Variants in SORCS2 observed in about 807,000 individuals in gnomAD.
The protein encoded by SORCS2 is VPS10 domain-containing receptor SorCS2.
Under a neutral mutation model 141.6 loss-of-function variants are expected in SORCS2, and 100 were observed. The observed-to-expected ratio is 0.71, with a 90% CI of 0.60 to 0.83. The LOEUF (loss-of-function observed/expected upper bound fraction) is 0.83, where lower values mean the gene tolerates loss of function less well. Among genes scored for constraint, SORCS2 ranks in the 40% least tolerant of loss-of-function variants. The pLI, the probability that SORCS2 is intolerant of heterozygous loss-of-function variation, is 0.00. For synonymous variants in SORCS2, 789 were observed against 676.9 expected, an observed-to-expected ratio of 1.17 and a Z score of -2.57; for missense variants, 1,646 against 1,560.2, an observed-to-expected ratio of 1.05 and a Z score of -0.93.
intron 1 of SORCS2, among the ~76,000 whole-genome samples, chr4:7,362,958 A>G (rs966976294): frequency 2.7e-5 from 4 of 150,826 alleles, no homozygotes; most frequent in Non-Finnish European, 5.9e-5. Flanking sequence ...CATCACCACC[A>G]TCATTACTGC....
chr4:7,671,742 T>C (rs1463459288), intron 8 of SORCS2, among the ~76,000 whole-genome samples: 1 of 151,986 alleles, frequency 6.6e-6, no homozygotes, highest in African/African-American at 2.4e-5. Context: ...CAACATATGA[T>C]TGTGGGAGTC....
chr4:7,446,573 G>A (rs1728015517), intron 2 of SORCS2, among the ~76,000 whole-genome samples: 1 of 152,164 alleles, frequency 6.6e-6, no homozygotes, highest in Non-Finnish European at 1.5e-5. Context: ...CCCTCGGGAG[G>A]GACTGAGCCT....
intron 9 of SORCS2, among the ~76,000 whole-genome samples, chr4:7,680,047 C>T (rs1005803883): frequency 6.6e-6 from 1 of 152,228 alleles, no homozygotes; most frequent in Non-Finnish European, 1.5e-5. Flanking sequence ...GGCAGAAGCC[C>T]TCTGGGTGAT....
chr4:7,231,462 C>G (rs1711877455), intron 1 of SORCS2, among the ~76,000 whole-genome samples: 1 of 152,258 alleles, frequency 6.6e-6, no homozygotes, highest in Non-Finnish European at 1.5e-5. Context: ...AACCATCACA[C>G]CTGGTAATAC....
chr4:7,377,306 G>T (rs4689713), intron 1 of SORCS2, among the ~76,000 whole-genome samples: 36 of 151,618 alleles, frequency 2.4e-4, no homozygotes, highest in African/African-American at 7.3e-4. Context: ...ATACAGCTTC[G>T]AATGTTGACA....
At chr4:7,377,865 G>A (rs535782235) in intron 1 of SORCS2, among the ~76,000 whole-genome samples, 12 of 152,288 alleles carry the variant, frequency 7.9e-5, no homozygotes, top group South Asian at 2.1e-4. Context: ...AATCGTTCCC[G>A]TCCTCGTCCT....
At chr4:7,726,276 C>A (rs1161746500) in intron 20 of SORCS2, among the ~76,000 whole-genome samples, 1 of 152,184 alleles carries the variant, frequency 6.6e-6, no homozygotes, top group Non-Finnish European at 1.5e-5. Flanking sequence ...CCGTGGGGGG[C>A]AGGCCTGGGG....
chr4:7,454,901 G>A (rs1053013316), intron 2 of SORCS2, among the ~76,000 whole-genome samples: 1 of 140,034 alleles, frequency 7.1e-6, no homozygotes, highest in African/African-American at 2.7e-5. Context: ...CTGTGTTGGG[G>A]TCAGGCACTG....
rs1421903491 is a variant in SORCS2, at chr4:7,286,966, C to T, written c.480+93840C>T. ...GGGACCAGGGCCACTGGTACGAACG[C>T]TTCTTGCATCAGGTGGCTGCAGCCC... On this transcript the variant is annotated intron_variant, in intron 1 of 26. Transcript: ENST00000507866. The surrounding 1 kb of genome is among the most constrained non-coding windows in gnomAD (Gnocchi z 4.1). 6.6e-6 allele frequency among the ~76,000 whole-genome samples: 1 copy of T among 152,194 alleles called. No individual in the cohort carries two copies. Among genetic ancestry groups the T allele is most frequent in the East Asian group, 1.9e-4 (1 of 5,190 alleles).
At chr4:7,354,033 C>G (rs932582877) in intron 1 of SORCS2, among the ~76,000 whole-genome samples, 2 of 152,352 alleles carry the variant, frequency 1.3e-5, no homozygotes, top group East Asian at 3.9e-4. Flanking sequence ...CACCACTTCT[C>G]TCTCTCTGAA....
chr4:7,685,367 C>T (rs980553375), intron 10 of SORCS2, among the ~76,000 whole-genome samples: 1 of 152,150 alleles, frequency 6.6e-6, no homozygotes, highest in African/African-American at 2.4e-5. Context: ...GTGGGTACAA[C>T]AGACATCAAA....
At chr4:7,575,085 G>A (rs1274566952) in intron 3 of SORCS2, among the ~76,000 whole-genome samples, 5 of 152,128 alleles carry the variant, frequency 3.3e-5, no homozygotes, top group Admixed American at 2.6e-4. Flanking sequence ...GGGAGGACTG[G>A]GGCTCCACGT....
chr4:7,269,420 C>T (rs749530360), intron 1 of SORCS2, among the ~76,000 whole-genome samples: 1 of 152,220 alleles, frequency 6.6e-6, no homozygotes. Flanking sequence ...TAACCCCTCC[C>T]AGTATCTGTG....
chr4:7,716,862 G>A (rs1336596262), intron 17 of SORCS2, among the ~76,000 whole-genome samples: 1 of 152,248 alleles, frequency 6.6e-6, no homozygotes, highest in Non-Finnish European at 1.5e-5. Flanking sequence ...CCATCTGCAC[G>A]CTGTAGGTGC....
chr4:7,432,942 A>T (rs115136197), intron 2 of SORCS2: 2,687 of 171,130 alleles, frequency 0.016, 82 homozygotes, highest in African/African-American at 0.061. Context: ...CCCGGCCATG[A>T]CCCCAGCCTG....
At chr4:7,271,634 T>C (rs774118264) in intron 1 of SORCS2, among the ~76,000 whole-genome samples, 1 of 152,242 alleles carries the variant, frequency 6.6e-6, no homozygotes, top group African/African-American at 2.4e-5. Context: ...CTGTCCATCT[T>C]GTGGCTCCCG....
Position 7,715,231 on chromosome 4 carries a change from G to A in SORCS2, c.2172G>A (p.Lys724=), listed in dbSNP as rs538879026. 3 of 1,613,950 alleles carry A rather than the reference G, an allele frequency of 1.9e-6. No individual in the cohort carries two copies. Among genetic ancestry groups the A allele is most frequent in the East Asian group, 4.5e-5 (2 of 44,878 alleles). The change falls in exon 17 of 27, where the codon AAG becomes AAA. Residue 724 remains lysine (K), a synonymous_variant. Transcript: ENST00000507866. ...CCTCCTCAGAGTCCAGCACCAACAA[G>A]TGCTCTGCCAACTTCTGGTTTAACC... The part of the protein sequence containing the change: ...RSSSSESSTN[K]CSANFWFNPL...
chr4:7,343,905 G>A (rs1252346598), intron 1 of SORCS2, among the ~76,000 whole-genome samples: 1 of 152,216 alleles, frequency 6.6e-6, no homozygotes, highest in Non-Finnish European at 1.5e-5. Context: ...AGTGGCCCGA[G>A]GCCCTGCAGC....
At chr4:7,538,602 CACA>C (rs1485201197) in intron 3 of SORCS2, among the ~76,000 whole-genome samples, 1 of 152,104 alleles carries the variant, frequency 6.6e-6, no homozygotes, top group Admixed American at 6.5e-5. Context: ...CACACACACA[CACA>C]CACACATTTT....
Sources: allele counts gnomAD v4.1 joint callset (sites outside exome capture counted in the v4.1 genomes callset), GRCh38; gene constraint gnomAD v4.1.1; non-coding constraint Gnocchi (gnomAD v3.1); transcripts MANE v1.5; gene names NCBI Gene and HGNC (gene_info 2026-07-23, HGNC 2026-07-21).